Variants in NCAM2 observed in about 807,000 individuals in gnomAD.
NCAM2 encodes the protein neural cell adhesion molecule 2, also known as N-CAM-2.
A neutral mutation model predicts 98.1 loss-of-function variants in NCAM2; 30 were observed. The ratio of observed to expected loss-of-function variants is 0.31; its 90% confidence interval spans 0.23 to 0.41. The LOEUF is 0.41. NCAM2 is among the 10% of genes least tolerant of loss of function. The probability of loss-of-function intolerance (pLI) is 1.00; values close to 1 mark genes in which losing one functional copy is unlikely to be tolerated. For missense variants in NCAM2, 867 were observed against 1,005.8 expected (o/e 0.86, Z 1.87); for synonymous variants, 368 against 342.4 (o/e 1.07, Z -0.83).
intron 1 of NCAM2, among the ~76,000 whole-genome samples, chr21:21,213,478 A>G (rs911283146): frequency 2.0e-5 from 3 of 152,192 alleles, no homozygotes; most frequent in African/African-American, 4.8e-5. Flanking sequence ...AGGAAACTAC[A>G]TTGCCCAAAT....
chr21:21,381,836 A>G (rs2076160351), intron 9 of NCAM2, among the ~76,000 whole-genome samples: 1 of 151,834 alleles, frequency 6.6e-6, no homozygotes, highest in South Asian at 2.1e-4. Context: ...GAAGATCCCA[A>G]TTTTTTTTCA....
rs570067433 is a variant in NCAM2, at chr21:21,190,543, T to C, written c.56-90035T>C. 2.3e-3 allele frequency among the ~76,000 whole-genome samples: 348 copies of C among 152,360 alleles called. 11 individuals carry two copies. The highest frequency in any genetic ancestry group is 5.7e-4 in the Non-Finnish European group (39 of 68,026). On this transcript the variant is annotated intron_variant, in intron 1 of 17. Transcript: ENST00000400546. Reference sequence around the variant, plus strand: ...CAGTGTTCTGGTTATTTATTACCGCTGGTGCTAACAATACACTTGGAAGGA... The same window carrying C: ...CAGTGTTCTGGTTATTTATTACCGCCGGTGCTAACAATACACTTGGAAGGA...
Position 21,292,102 on chromosome 21 carries a change from A to T in NCAM2, c.482-2A>T, listed in dbSNP as rs1568893451. On this transcript the variant is annotated splice_acceptor_variant, in intron 4 of 17. Transcript: ENST00000400546. LOFTEE classifies it high-confidence loss of function. ...ATTTTCTCCCCTTTGCTTTCTTTCC[A>T]GATCGGTTCGCTATGTTAGCAAACA... 1 of 1,607,390 alleles carries T rather than the reference A, an allele frequency of 6.2e-7. No individual in the cohort carries two copies.
chr21:21,004,505 G>A (rs965439323), intron 1 of NCAM2, among the ~76,000 whole-genome samples: 2 of 152,010 alleles, frequency 1.3e-5, no homozygotes, highest in African/African-American at 4.8e-5. Context: ...TGATTCATTT[G>A]TTTAAAAATT....
At chr21:21,285,685 C>G (rs2073073172) in intron 3 of NCAM2, among the ~76,000 whole-genome samples, 1 of 152,018 alleles carries the variant, frequency 6.6e-6, no homozygotes, top group South Asian at 2.1e-4. Context: ...TTCATTCATT[C>G]ATTCATTAAA....
intron 1 of NCAM2, among the ~76,000 whole-genome samples, chr21:21,052,954 G>A (rs1007107260): frequency 2.0e-5 from 3 of 151,566 alleles, no homozygotes; most frequent in African/African-American, 2.4e-5. Context: ...TTTGTATTTT[G>A]CTTTGCTTGC....
rs1035735234 is a variant in NCAM2, at chr21:21,541,857, T to G, written c.*3900T>G. On this transcript the variant is annotated 3_prime_UTR_variant, in exon 18 of 18. Transcript: ENST00000400546. Reference sequence around the variant, plus strand: ...GCTCATACTCATAATCATTATCACATAATGTGCTTATTCAACAAACTTTGT... The same window carrying G: ...GCTCATACTCATAATCATTATCACAGAATGTGCTTATTCAACAAACTTTGT... 24 of 151,830 alleles carry G rather than the reference T, an allele frequency of 1.6e-4. No homozygotes were observed. The highest frequency in any genetic ancestry group is 7.9e-4 in the Admixed American group (12 of 15,194). 9.4% of individuals were successfully genotyped at this position (151,830 alleles called of 1,614,324 possible).
intron 1 of NCAM2, among the ~76,000 whole-genome samples, chr21:21,237,837 T>C (rs1404704677): frequency 3.3e-5 from 5 of 152,190 alleles, no homozygotes; most frequent in African/African-American, 1.2e-4. Context: ...TTAGCATTAC[T>C]TGGTAGTTTT....
chr21:21,315,287 G>T (rs2074187382), intron 5 of NCAM2, among the ~76,000 whole-genome samples: 1 of 152,132 alleles, frequency 6.6e-6, no homozygotes, highest in Non-Finnish European at 1.5e-5. Context: ...GATTCAATAA[G>T]CACAGGTCAG....
In NCAM2 at chr21:21,411,916, T is replaced by C. The variant is rs2076894609; in HGVS notation, c.1383+1455T>C. Among the ~76,000 whole-genome samples the C allele has an allele frequency of 3.3e-5, 5 of 152,182 alleles. No homozygotes were observed. In the South Asian group the frequency reaches 1.0e-3, roughly 32 times the overall value. On this transcript the variant is annotated intron_variant, in intron 10 of 17. Transcript: ENST00000400546. The stretch of plus-strand genomic sequence containing the variant: ...ATAAATAAGTTTCTTTGGAAATATT[T>C]TAGAAGAATTAGCTATTTGTGACTT...
At chr21:21,136,529 T>C (rs2067054777) in intron 1 of NCAM2, among the ~76,000 whole-genome samples, 1 of 151,656 alleles carries the variant, frequency 6.6e-6, no homozygotes, top group Non-Finnish European at 1.5e-5. Context: ...TGGTGCGATC[T>C]CCACTCACTG....
At chr21:21,504,778 CTTA>C (rs1039624229) in intron 15 of NCAM2, among the ~76,000 whole-genome samples, 4 of 151,400 alleles carry the variant, frequency 2.6e-5, no homozygotes, top group African/African-American at 4.8e-5. Flanking sequence ...AACTTATAAA[CTTA>C]TTATTTTTCA....
At chr21:21,193,345 A>G (rs1335415335) in intron 1 of NCAM2, among the ~76,000 whole-genome samples, 1 of 152,170 alleles carries the variant, frequency 6.6e-6, no homozygotes, top group Non-Finnish European at 1.5e-5. Context: ...GGAAGAAAAG[A>G]CAAAGCTACT....
chr21:21,519,379 G>A (rs1988887476), intron 16 of NCAM2, among the ~76,000 whole-genome samples: 1 of 152,170 alleles, frequency 6.6e-6, no homozygotes, highest in African/African-American at 2.4e-5. Context: ...TTTGGCCCAA[G>A]GCAGTGGTAT....
chr21:21,507,554 G>A (rs1256854926), intron 15 of NCAM2, among the ~76,000 whole-genome samples: 9 of 152,044 alleles, frequency 5.9e-5, no homozygotes, highest in Non-Finnish European at 1.3e-4. Flanking sequence ...AGCACTTTGG[G>A]AGGCCAAGGC....
intron 11 of NCAM2, among the ~76,000 whole-genome samples, chr21:21,425,818 A>G (rs956836804): frequency 3.9e-5 from 6 of 152,214 alleles, no homozygotes; most frequent in African/African-American, 1.4e-4. Context: ...TTTCAGATGT[A>G]TTGCAGGTTG....
At chr21:21,166,918 C>A (rs1346913866) in intron 1 of NCAM2, among the ~76,000 whole-genome samples, 2 of 152,164 alleles carry the variant, frequency 1.3e-5, no homozygotes, top group Non-Finnish European at 2.9e-5. Context: ...TCACAAAATT[C>A]AGACTAAACG....
intron 1 of NCAM2, among the ~76,000 whole-genome samples, chr21:21,224,836 G>T (rs2070316465): frequency 6.6e-6 from 1 of 152,036 alleles, no homozygotes; most frequent in South Asian, 2.1e-4. Context: ...AAATAGAAAA[G>T]TTAGTTGCAT....
At chr21:21,299,270 C>T (rs999135607) in intron 5 of NCAM2, among the ~76,000 whole-genome samples, 3 of 150,054 alleles carry the variant, frequency 2.0e-5, no homozygotes, top group South Asian at 2.1e-4. Context: ...CTGAAATTCA[C>T]GAATGACCAG....
Sources: allele counts gnomAD v4.1 joint callset (sites outside exome capture counted in the v4.1 genomes callset), GRCh38; gene constraint gnomAD v4.1.1; transcripts MANE v1.5; gene names NCBI Gene and HGNC (gene_info 2026-07-23, HGNC 2026-07-21).